Variants in RAPGEF5 observed in about 807,000 individuals in gnomAD.
The protein encoded by RAPGEF5 is M-Ras-regulated GEF.
A neutral mutation model predicts 125.2 loss-of-function variants in RAPGEF5; 65 were observed. That is an observed-to-expected ratio of 0.52 (90% confidence interval 0.43 to 0.64). The LOEUF (loss-of-function observed/expected upper bound fraction) is 0.64, where lower values mean the gene tolerates loss of function less well. Ranked by LOEUF, RAPGEF5 falls within the 30% of genes least tolerant of loss-of-function variation. The pLI, the probability that RAPGEF5 is intolerant of heterozygous loss-of-function variation, is 0.00. For missense variants in RAPGEF5, 958 were observed against 1,048.1 expected (o/e 0.91, Z 1.19); for synonymous variants, 391 against 385.9 (o/e 1.01, Z -0.16).
At chr7:22,281,426 G>T (rs1782671665) in intron 6 of RAPGEF5, among the ~76,000 whole-genome samples, 2 of 152,112 alleles carry the variant, frequency 1.3e-5, no homozygotes, top group Admixed American at 6.5e-5. Context: ...TGTCCAGGCT[G>T]CTCTCAAATT....
chr7:22,156,782 C>T lies in RAPGEF5; in HGVS notation c.1636+28G>A, dbSNP rs748537928. On this transcript the variant is annotated intron_variant, in intron 16 of 25. Coordinates refer to ENST00000665637, the MANE Select transcript of RAPGEF5 (RefSeq NM_012294.5). ...AATGGTGGCTAACTGCTGCCCACCCCCAAACCCTCACTTCAAACCATACTC... is the reference window on the plus strand; with the variant it reads ...AATGGTGGCTAACTGCTGCCCACCCTCAAACCCTCACTTCAAACCATACTC... 3.2e-5 allele frequency: 52 copies of T among 1,612,890 alleles called. No homozygotes were observed. In the Middle Eastern group the frequency reaches 5.0e-4, roughly 15 times the overall value.
chr7:22,185,798 T>C (rs909006702), intron 11 of RAPGEF5, among the ~76,000 whole-genome samples: 16 of 152,220 alleles, frequency 1.1e-4, no homozygotes, highest in African/African-American at 3.9e-4. Context: ...GAGTTTGTGC[T>C]AATGAATTCA....
At chr7:22,229,567 G>A (rs573210350) in intron 8 of RAPGEF5, among the ~76,000 whole-genome samples, 2 of 152,182 alleles carry the variant, frequency 1.3e-5, no homozygotes, top group Non-Finnish European at 2.9e-5. Context: ...ACATACCAAT[G>A]AGCATACATT....
chr7:22,191,975 A>C (rs1785010699), intron 11 of RAPGEF5, among the ~76,000 whole-genome samples: 1 of 152,242 alleles, frequency 6.6e-6, no homozygotes, highest in Non-Finnish European at 1.5e-5. Context: ...CCTCTACTAA[A>C]GTGTCTTTTC....
intron 21 of RAPGEF5, among the ~76,000 whole-genome samples, chr7:22,138,115 T>G (rs1052728125): frequency 6.6e-6 from 1 of 151,926 alleles, no homozygotes; most frequent in Admixed American, 6.6e-5. Flanking sequence ...TGCAACTGAT[T>G]CCAATCTTTC....
intron 1 of RAPGEF5, among the ~76,000 whole-genome samples, chr7:22,355,260 G>C (rs1784400016): frequency 6.6e-6 from 1 of 152,112 alleles, no homozygotes; most frequent in Non-Finnish European, 1.5e-5. Flanking sequence ...ATATTGACAA[G>C]GTATACGACA....
intron 20 of RAPGEF5, among the ~76,000 whole-genome samples, chr7:22,141,274 T>C (rs1388578982): frequency 6.6e-6 from 1 of 152,256 alleles, no homozygotes; most frequent in Admixed American, 6.5e-5. Context: ...TTGTGATTTT[T>C]TTCCCATTAC....
chr7:22,226,656 A>G (rs1785925582), intron 8 of RAPGEF5, among the ~76,000 whole-genome samples: 1 of 152,168 alleles, frequency 6.6e-6, no homozygotes, highest in Non-Finnish European at 1.5e-5. Flanking sequence ...AAGGCAGGTG[A>G]GGAATCCCTA....
intron 1 of RAPGEF5, among the ~76,000 whole-genome samples, chr7:22,341,158 C>G (rs1052659730): frequency 4.6e-5 from 7 of 152,198 alleles, no homozygotes; most frequent in African/African-American, 1.7e-4. Flanking sequence ...TTCCATGTGG[C>G]TGGGGAGGCC....
chr7:22,253,094 A>T (rs985808944), intron 7 of RAPGEF5, among the ~76,000 whole-genome samples: 6 of 152,190 alleles, frequency 3.9e-5, no homozygotes, highest in African/African-American at 1.4e-4. Context: ...AAATGTTAGA[A>T]CAATGAGTTA....
In RAPGEF5 at chr7:22,267,032, G is replaced by GA; in HGVS notation, c.748-21dup. 1 of 1,592,186 alleles carries GA rather than the reference G, an allele frequency of 6.3e-7. No individual in the cohort carries two copies. The highest frequency in any genetic ancestry group is 1.1e-5 in the South Asian group (1 of 89,120). ...CTGCACCTAATAAAATATTAGGGGG[G>GA]AAAATCAAATTAGAAGAAGAAAAAT... On this transcript the variant is annotated intron_variant, in intron 6 of 25. Transcript: ENST00000665637.
intron 20 of RAPGEF5, among the ~76,000 whole-genome samples, chr7:22,140,740 C>A (rs1256844066): frequency 6.6e-6 from 1 of 152,150 alleles, no homozygotes; most frequent in Non-Finnish European, 1.5e-5. Context: ...TAACATCAAT[C>A]ATGCCCAGAG....
At chr7:22,321,080 G>GAGATGAAAATACTAATAACAT (rs1783706490) in intron 1 of RAPGEF5, among the ~76,000 whole-genome samples, 1 of 152,124 alleles carries the variant, frequency 6.6e-6, no homozygotes, top group East Asian at 1.9e-4. Context: ...ATAACCCAGA[G>GAGATGAAAATACTAATAACAT]AGATGAAAAT....
rs938639871 is a variant in RAPGEF5, at chr7:22,259,750, G to A, written c.796+7214C>T. ...AGTCTGAAAAGGCTACGTATTGTAC[G>A]ATTCCAACCATATGACATTATGGAA... On this transcript the variant is annotated intron_variant, in intron 7 of 25. Transcript: ENST00000665637. Among the ~76,000 whole-genome samples, 14 of 152,224 alleles carry A rather than the reference G, an allele frequency of 9.2e-5. 1 individual carries two copies. Among genetic ancestry groups the A allele is most frequent in the African/African-American group, 3.4e-4 (14 of 41,462 alleles).
At chr7:22,203,705 A>C (rs1048804635) in intron 9 of RAPGEF5, among the ~76,000 whole-genome samples, 1 of 152,176 alleles carries the variant, frequency 6.6e-6, no homozygotes, top group Non-Finnish European at 1.5e-5. Flanking sequence ...CAGCCAAACT[A>C]GGAAACCACT....
chr7:22,273,096 C>A (rs1443835370), intron 6 of RAPGEF5, among the ~76,000 whole-genome samples: 1 of 151,706 alleles, frequency 6.6e-6, no homozygotes, highest in Non-Finnish European at 1.5e-5. Context: ...GTTTATTTAA[C>A]AGATAGTTAT....
chr7:22,153,560 C>T (rs932136717), intron 17 of RAPGEF5, among the ~76,000 whole-genome samples: 6 of 152,140 alleles, frequency 3.9e-5, no homozygotes, highest in Admixed American at 2.6e-4. Flanking sequence ...CTGTGAGCAA[C>T]AAAGCCATAG....
intron 7 of RAPGEF5, among the ~76,000 whole-genome samples, chr7:22,258,231 T>C (rs940231981): frequency 2.0e-5 from 3 of 152,114 alleles, no homozygotes; most frequent in African/African-American, 4.8e-5. Flanking sequence ...CAACACAAGA[T>C]TGAAAGCGAA....
chr7:22,133,433 C>A (rs1354848139), intron 23 of RAPGEF5, among the ~76,000 whole-genome samples: 1 of 152,154 alleles, frequency 6.6e-6, no homozygotes, highest in African/African-American at 2.4e-5. Context: ...GGACAAGAAG[C>A]AGTTTTGGGG....
Sources: allele counts gnomAD v4.1 joint callset (sites outside exome capture counted in the v4.1 genomes callset), GRCh38; gene constraint gnomAD v4.1.1; transcripts MANE v1.5; gene names NCBI Gene and HGNC (gene_info 2026-07-23, HGNC 2026-07-21).